Variants in SLC39A14 observed in about 807,000 individuals in gnomAD.
SLC39A14 encodes metal cation symporter ZIP14.
SLC39A14 carries 19 observed loss-of-function variants against 45.5 expected under a neutral mutation model. That is an observed-to-expected ratio of 0.42 (90% CI 0.29 to 0.61). The LOEUF (loss-of-function observed/expected upper bound fraction) is 0.61, where lower values mean the gene tolerates loss of function less well. Among genes scored for constraint, SLC39A14 ranks in the 20% least tolerant of loss-of-function variants. The pLI, the probability that SLC39A14 is intolerant of heterozygous loss-of-function variation, is 0.22. For synonymous variants in SLC39A14, 264 were observed against 251.3 expected (o/e 1.05, Z -0.48); for missense variants, 447 against 616.5 (o/e 0.73, Z 2.91).
chr8:22,402,717 C>T (rs1364728278), intron 1 of SLC39A14, among the ~76,000 whole-genome samples: 1 of 148,170 alleles, frequency 6.7e-6, no homozygotes, highest in South Asian at 2.1e-4. Flanking sequence ...AGCAGTGAGC[C>T]GAGATGGCGC....
At position 22,402,763 on chromosome 8, in the gene SLC39A14, C is replaced by T. The variant is rs1293049022; in HGVS notation, c.-15-1933C>T. The stretch of plus-strand genomic sequence containing the variant: ...CAGCCTGGGCAATAGAGTGAGACTC[C>T]ATTTCAAAAAAAAAAAAAAAAAATG... On this transcript the variant is annotated intron_variant, in intron 1 of 8. Coordinates refer to ENST00000381237, the MANE Select transcript of SLC39A14 (RefSeq NM_001128431.4). Among the ~76,000 whole-genome samples, 4 of 117,196 alleles carry T rather than the reference C, an allele frequency of 3.4e-5. No homozygotes were observed. The South Asian group carries it at 8.8e-4, about 26-fold the overall frequency. 76.9% of individuals were successfully genotyped at this position (117,196 alleles called of 152,430 possible).
At chr8:22,408,214 T>C in intron 2 of SLC39A14, 96 bp from the exon 3 acceptor site, 5 of 1,112,640 alleles carry the variant, frequency 4.5e-6, no homozygotes, top group Non-Finnish European at 6.5e-6. Context: ...TTCTGTCTTC[T>C]CTTTTTCCTC....
chr8:22,395,294 A>C (rs1190003050), intron 1 of SLC39A14, among the ~76,000 whole-genome samples: 2 of 152,186 alleles, frequency 1.3e-5, no homozygotes, highest in African/African-American at 4.8e-5. Context: ...ATCTTAGAAC[A>C]CATCTTCCAT....
At chr8:22,381,805 A>G (rs1563494193) in intron 1 of SLC39A14, among the ~76,000 whole-genome samples, 1 of 152,216 alleles carries the variant, frequency 6.6e-6, no homozygotes, top group Non-Finnish European at 1.5e-5. Context: ...ATCTTGCCAT[A>G]TAATAAACCA....
At chr8:22,405,283 C>T (rs1165140597) in intron 2 of SLC39A14, among the ~76,000 whole-genome samples, 1 of 152,116 alleles carries the variant, frequency 6.6e-6, no homozygotes, top group Non-Finnish European at 1.5e-5. Flanking sequence ...GAGGCCAAGG[C>T]GGGTGGATTA....
intron 8 of SLC39A14, among the ~76,000 whole-genome samples, chr8:22,432,016 C>G (rs145362661): frequency 2.0e-5 from 3 of 152,166 alleles, no homozygotes; most frequent in Non-Finnish European, 4.4e-5. Flanking sequence ...GAATGTTTAA[C>G]TCTATTGGAA....
chr8:22,380,096 G>T (rs529196818), intron 1 of SLC39A14, among the ~76,000 whole-genome samples: 1 of 152,114 alleles, frequency 6.6e-6, no homozygotes, highest in Non-Finnish European at 1.5e-5. Context: ...GAGGAAGTGC[G>T]TAGGTTATAT....
downstream of SLC39A14, among the ~76,000 whole-genome samples, chr8:22,426,412 C>T (rs144235856): frequency 9.9e-5 from 15 of 152,024 alleles, no homozygotes; most frequent in Admixed American, 1.3e-4. Flanking sequence ...GGGCTGGTCT[C>T]GAACTCCAGG....
intron 8 of SLC39A14, among the ~76,000 whole-genome samples, chr8:22,430,437 T>C (rs1563641864): frequency 6.6e-6 from 1 of 152,144 alleles, no homozygotes; most frequent in African/African-American, 2.4e-5. Context: ...ATCTGCTGTA[T>C]AGGAAAATAG....
rs763673454 is a variant in SLC39A14, at chr8:22,404,735, G to T, written c.25G>T (p.Ala9Ser). The change falls in exon 2 of 9, where the codon GCC (alanine) becomes TCC (serine). Residue 9 changes from alanine (A) to serine (S), a missense_variant. This residue lies in a region of SLC39A14 where 342 missense variants were observed against 428.1 expected (regional missense o/e 0.80). Coordinates refer to ENST00000381237, the MANE Select transcript of SLC39A14 (RefSeq NM_001128431.4). MKLLLLHP[A>S]FQSCLLLTLL... Reference sequence around the variant, plus strand: ...CATGAAGCTGCTGCTGCTGCACCCGGCCTTCCAGAGCTGCCTCCTGCTGAC... The same window carrying T: ...CATGAAGCTGCTGCTGCTGCACCCGTCCTTCCAGAGCTGCCTCCTGCTGAC... 6.2e-7 allele frequency: 1 copy of T among 1,613,638 alleles called. No homozygotes were observed. Among genetic ancestry groups the T allele is most frequent in the East Asian group, 2.2e-5 (1 of 44,874 alleles).
chr8:22,388,256 T>G (rs1360025064), intron 1 of SLC39A14, among the ~76,000 whole-genome samples: 1 of 152,158 alleles, frequency 6.6e-6, no homozygotes, highest in Non-Finnish European at 1.5e-5. Flanking sequence ...TGTCCTGCAG[T>G]ACACCCTGTT....
In SLC39A14 at chr8:22,432,573, G is replaced by A. The variant is rs546938216; in HGVS notation, c.1333-1318G>A. 8.6e-5 allele frequency among the ~76,000 whole-genome samples: 13 copies of A among 151,646 alleles called. No homozygotes were observed. The South Asian group carries it at 2.7e-3, about 32-fold the overall frequency. On this transcript the variant is annotated intron_variant, in intron 8 of 8. Transcript: ENST00000240095. The stretch of plus-strand genomic sequence containing the variant: ...GGTTCACTTCAGCCTCAACTCCCTG[G>A]GTCCAAGTGATCCTCCTACCTCGGC...
Position 22,421,394 on chromosome 8 carries a change from T to C in SLC39A14, c.*1696T>C. 3 of 985,880 alleles carry C rather than the reference T, an allele frequency of 3.0e-6. No homozygotes were observed. Among genetic ancestry groups the C allele is most frequent in the Non-Finnish European group, 3.6e-6 (3 of 829,930 alleles). The allele number at this position is 985,880 out of a possible 1,614,324, so 61.1% of individuals were successfully genotyped here. On this transcript the variant is annotated 3_prime_UTR_variant, in exon 9 of 9. Transcript: ENST00000381237. ...CTGGTGATACTTTTTTTAAGTTTTG[T>C]TTTTATCTTGCCTGTTGGCTTCAAT...
chr8:22,401,673 G>A (rs1049938547), intron 1 of SLC39A14, among the ~76,000 whole-genome samples: 6 of 150,556 alleles, frequency 4.0e-5, no homozygotes, highest in African/African-American at 1.2e-4. Context: ...TCATCCTCCC[G>A]AGTAGCTGGG....
intron 1 of SLC39A14, among the ~76,000 whole-genome samples, chr8:22,383,725 C>T (rs1162278546): frequency 1.3e-5 from 2 of 152,334 alleles, no homozygotes; most frequent in Non-Finnish European, 2.9e-5. Context: ...CTCCGCCCTT[C>T]TCTCCTGCTC....
intron 8 of SLC39A14, among the ~76,000 whole-genome samples, chr8:22,430,244 T>C (rs1332889548): frequency 2.6e-5 from 4 of 152,210 alleles, no homozygotes; most frequent in Non-Finnish European, 2.9e-5. Context: ...TAATTTAATT[T>C]TTTTTTAGAG....
intron 4 of SLC39A14, among the ~76,000 whole-genome samples, chr8:22,413,514 C>G (rs1276371158): frequency 3.3e-5 from 5 of 152,098 alleles, no homozygotes; most frequent in African/African-American, 1.2e-4. Flanking sequence ...TGATTCGACT[C>G]CCCTGGAAAG....
intron 1 of SLC39A14, among the ~76,000 whole-genome samples, chr8:22,381,011 T>G (rs935319381): frequency 1.1e-4 from 16 of 151,576 alleles, no homozygotes; most frequent in African/African-American, 3.9e-4. Flanking sequence ...TCTTGCTCTG[T>G]CGCCCAGGCT....
downstream of SLC39A14, among the ~76,000 whole-genome samples, chr8:22,427,223 G>A (rs1044370688): frequency 2.0e-5 from 3 of 152,108 alleles, 1 homozygote; most frequent in Admixed American, 2.0e-4. Flanking sequence ...CCCAGGAGGC[G>A]GAGGTTGCGG....
Sources: allele counts gnomAD v4.1 joint callset (sites outside exome capture counted in the v4.1 genomes callset), GRCh38; gene constraint gnomAD v4.1.1; regional missense constraint gnomAD v4.1.1; transcripts MANE v1.5; gene names NCBI Gene and HGNC (gene_info 2026-07-23, HGNC 2026-07-21).